TMEM132D: variants seen among roughly 807,000 people sequenced by gnomAD.
The protein encoded by TMEM132D is mature OL transmembrane protein.
Under a neutral mutation model 62.3 loss-of-function variants are expected in TMEM132D, and 21 were observed. The observed-to-expected ratio is 0.34, with a 90% CI of 0.24 to 0.49. The LOEUF is 0.49. TMEM132D is among the 20% of genes least tolerant of loss of function. The probability of loss-of-function intolerance (pLI) is 0.99; values close to 1 mark genes in which losing one functional copy is unlikely to be tolerated. For missense variants in TMEM132D, 1,346 were observed against 1,402.8 expected (o/e 0.96, Z 0.65); for synonymous variants, 621 against 575.6 (o/e 1.08, Z -1.13).
At chr12:129,686,342 G>C (rs187169153) in intron 2 of TMEM132D, among the ~76,000 whole-genome samples, 46 of 152,268 alleles carry the variant, frequency 3.0e-4, no homozygotes, top group Middle Eastern at 3.4e-3. Flanking sequence ...TCATGATAGT[G>C]AGTGAGTTCT....
At chr12:129,487,616 AG>A (rs1411523916) in intron 3 of TMEM132D, among the ~76,000 whole-genome samples, 3 of 151,948 alleles carry the variant, frequency 2.0e-5, no homozygotes, top group Non-Finnish European at 2.9e-5. Flanking sequence ...TGATCTTAAG[AG>A]GTGGGGCCTT....
chr12:129,150,924 G>A (rs1877051956), intron 5 of TMEM132D, among the ~76,000 whole-genome samples: 1 of 152,194 alleles, frequency 6.6e-6, no homozygotes, highest in South Asian at 2.1e-4. Flanking sequence ...AGTGCCAGCT[G>A]GTGTTCTCTC....
intron 1 of TMEM132D, among the ~76,000 whole-genome samples, chr12:129,843,861 G>C (rs978290013): frequency 2.0e-5 from 3 of 152,060 alleles, no homozygotes; most frequent in African/African-American, 7.3e-5. Context: ...GGCCGAGGTG[G>C]GGGGATTGCT....
rs1282465202 is a variant in TMEM132D at position 129,341,395 on chromosome 12, A to G, written c.1116-3578T>C. 2.6e-5 allele frequency among the ~76,000 whole-genome samples: 4 copies of G among 152,222 alleles called. No individual in the cohort carries two copies. In the South Asian group the frequency reaches 8.3e-4, roughly 32 times the overall value. ...GATTTTTCCACCTCCCATGCATTCA[A>G]ATTGCCTGGAGGAACTTTACAAATA... On this transcript the variant is annotated intron_variant, in intron 3 of 8. Transcript: ENST00000422113.
chr12:129,769,933 G>T (rs73160210), intron 1 of TMEM132D, among the ~76,000 whole-genome samples: 8,788 of 152,056 alleles, frequency 0.058, 378 homozygotes, highest in South Asian at 0.093. Context: ...GCTGAGGCTA[G>T]GATGCAGTGG....
intron 1 of TMEM132D, among the ~76,000 whole-genome samples, chr12:129,836,649 T>A (rs539959068): frequency 1.2e-3 from 186 of 152,226 alleles, no homozygotes; most frequent in Non-Finnish European, 2.4e-3. Flanking sequence ...AACAACATAA[T>A]GGCACTACCT....
chr12:129,095,557 G>A (rs544612466), intron 5 of TMEM132D, among the ~76,000 whole-genome samples: 1 of 152,180 alleles, frequency 6.6e-6, no homozygotes, highest in Admixed American at 6.5e-5. Context: ...TTGCCATGTT[G>A]GCCAGGCTGA....
At chr12:129,232,948 C>T (rs1879683119) in intron 4 of TMEM132D, among the ~76,000 whole-genome samples, 2 of 152,096 alleles carry the variant, frequency 1.3e-5, no homozygotes, top group African/African-American at 2.4e-5. Context: ...GCCTGAGCCA[C>T]TCGCCTCCCA....
At chr12:129,743,222 A>G (rs755811096) in intron 1 of TMEM132D, among the ~76,000 whole-genome samples, 5 of 152,206 alleles carry the variant, frequency 3.3e-5, no homozygotes, top group Non-Finnish European at 7.3e-5. Flanking sequence ...GGCAAATGGA[A>G]TAATACTTCC....
At chr12:129,709,050 C>T (rs992196161) in intron 1 of TMEM132D, among the ~76,000 whole-genome samples, 4 of 152,154 alleles carry the variant, frequency 2.6e-5, no homozygotes, top group African/African-American at 7.2e-5. Context: ...TAGAAAGAAA[C>T]GTCAAGCCAA....
At chr12:129,154,228 G>A (rs1183922850) in intron 5 of TMEM132D, among the ~76,000 whole-genome samples, 1 of 152,152 alleles carries the variant, frequency 6.6e-6, no homozygotes, top group Non-Finnish European at 1.5e-5. Context: ...ACAGCTCAGA[G>A]GGAGGTGAGG....
At chr12:129,550,899 G>A (rs577800427) in intron 2 of TMEM132D, among the ~76,000 whole-genome samples, 2 of 152,262 alleles carry the variant, frequency 1.3e-5, no homozygotes, top group African/African-American at 4.8e-5. Context: ...TGAGATAGAA[G>A]TCACACTATG....
intron 1 of TMEM132D, among the ~76,000 whole-genome samples, chr12:129,739,714 C>G (rs1302328397): frequency 6.6e-6 from 1 of 152,212 alleles, no homozygotes; most frequent in African/African-American, 2.4e-5. Flanking sequence ...ACTGCACCAA[C>G]TGGGCTTCCT....
chr12:129,522,301 A>T (rs1875872264), intron 3 of TMEM132D, among the ~76,000 whole-genome samples: 1 of 152,222 alleles, frequency 6.6e-6, no homozygotes. Context: ...CTTAGAATGA[A>T]ATTTTTAGGA....
In TMEM132D at chr12:129,543,399, TGG is replaced by T. The variant is rs1491293055; in HGVS notation, c.969-12196_969-12195del. Among the ~76,000 whole-genome samples, 311 of 141,308 alleles carry T rather than the reference TGG, an allele frequency of 2.2e-3. 1 individual carries two copies. Among genetic ancestry groups the T allele is most frequent in the African/African-American group, 7.4e-3 (268 of 36,158 alleles). The allele number at this position is 141,308 out of a possible 152,430, so 92.7% of individuals were successfully genotyped here. A position where few individuals can be genotyped will look rare whatever the true frequency, so the allele number is the denominator to read the frequency against. On this transcript the variant is annotated intron_variant, in intron 2 of 8. Coordinates refer to ENST00000422113, the MANE Select transcript of TMEM132D (RefSeq NM_133448.3). ...AAGGATGGATGGATGGATGGATGGA[TGG>T]ATGGATAGACAGATAGATAGATATT...
At position 129,339,070 on chromosome 12, in the gene TMEM132D, A is replaced by G. The variant is rs138034048; in HGVS notation, c.1116-1253T>C. On this transcript the variant is annotated intron_variant, in intron 3 of 8. Transcript: ENST00000422113. ...GCGATCACTTGAAGTCAGGAGTTTG[A>G]GACCAGCTTGGCCAACAGGGCAAAA... is the stretch of plus-strand genomic sequence containing the variant. Among the ~76,000 whole-genome samples the G allele has an allele frequency of 1.2e-3, 180 of 152,308 alleles. 4 individuals are homozygous for G. The East Asian group carries it at 0.032, about 27-fold the overall frequency.
chr12:129,554,783 C>T (rs928906904), intron 2 of TMEM132D, among the ~76,000 whole-genome samples: 2 of 152,168 alleles, frequency 1.3e-5, no homozygotes, highest in Non-Finnish European at 2.9e-5. Flanking sequence ...GGCTTAGGAG[C>T]ACCAGGTGGG....
At chr12:129,839,610 T>C (rs950047732) in intron 1 of TMEM132D, among the ~76,000 whole-genome samples, 1 of 152,178 alleles carries the variant, frequency 6.6e-6, no homozygotes, top group Non-Finnish European at 1.5e-5. Context: ...GCCCCAGGAA[T>C]TCCCCTTCTG....
intron 3 of TMEM132D, among the ~76,000 whole-genome samples, chr12:129,399,531 C>T (rs1871550228): frequency 6.7e-6 from 1 of 148,626 alleles, no homozygotes; most frequent in Non-Finnish European, 1.5e-5. Context: ...AAAGGTCCCA[C>T]CTCTCTACAC....
Sources: gnomAD v4.1 joint callset for allele counts (sites outside exome capture counted in the v4.1 genomes callset) on GRCh38, gnomAD v4.1.1 for gene constraint, MANE v1.5 for transcripts, NCBI Gene and HGNC (gene_info 2026-07-23, HGNC 2026-07-21) for gene names.